The following MYO9A variants were observed in gnomAD, a reference collection of about 807,000 sequenced individuals.
The protein encoded by MYO9A is myosin IXA, also known as unconventional myosin-IXa.
A neutral mutation model predicts 293.3 loss-of-function variants in MYO9A; 103 were observed. The ratio of observed to expected loss-of-function variants is 0.35; its 90% CI spans 0.30 to 0.41. MYO9A has a LOEUF of 0.41. MYO9A is among the 10% of genes least tolerant of loss of function. MYO9A has a pLI of 1.00. For missense variants in MYO9A, 2,685 were observed against 3,033.0 expected (o/e 0.89, Z 2.69); for synonymous variants, 1,001 against 1,035.7 (o/e 0.97, Z 0.64).
At chr15:71,973,416 C>A (rs2076061931) in intron 12 of MYO9A, among the ~76,000 whole-genome samples, 1 of 152,112 alleles carries the variant, frequency 6.6e-6, no homozygotes, top group Admixed American at 6.5e-5. Flanking sequence ...ACATTAGGGG[C>A]AGTAGCTTTG....
At chr15:72,117,647 T>G in intron 1 of MYO9A, 33 bp downstream of exon 1, 1 of 395,606 alleles carries the variant, frequency 2.5e-6, no homozygotes, top group Non-Finnish European at 4.5e-6. Context: ...CAGGACGGGC[T>G]GCAGGGCCGC....
intron 1 of MYO9A, among the ~76,000 whole-genome samples, chr15:72,112,489 C>G (rs919309994): frequency 2.0e-5 from 3 of 152,196 alleles, no homozygotes; most frequent in African/African-American, 7.2e-5. Flanking sequence ...TTTGTTCTAT[C>G]ATATTATTTT....
At chr15:71,971,216 T>C (rs2076002286) in intron 12 of MYO9A, among the ~76,000 whole-genome samples, 1 of 151,682 alleles carries the variant, frequency 6.6e-6, no homozygotes, top group African/African-American at 2.4e-5. Flanking sequence ...GTTAAATCTA[T>C]GTGAAGTAGC....
chr15:71,930,312 G>C (rs1034601459), intron 18 of MYO9A, among the ~76,000 whole-genome samples: 1 of 152,066 alleles, frequency 6.6e-6, no homozygotes, highest in Admixed American at 6.5e-5. Context: ...AAATCCCCTA[G>C]GATTACTGTA....
At chr15:71,996,336 CAGTATTTATGGTTTA>C (rs1489305355) in intron 9 of MYO9A, among the ~76,000 whole-genome samples, 4 of 152,114 alleles carry the variant, frequency 2.6e-5, no homozygotes, top group Admixed American at 2.6e-4. Context: ...AGTCTAACTA[CAGTATTTATGGTTTA>C]CATAATGTAC....
chr15:72,042,512 A>G (rs1187554440), intron 2 of MYO9A, among the ~76,000 whole-genome samples: 2 of 152,162 alleles, frequency 1.3e-5, no homozygotes, highest in African/African-American at 2.4e-5. Context: ...GATCAAGCTC[A>G]ATGTGACAGA....
intron 3 of MYO9A, among the ~76,000 whole-genome samples, 179 bp from the exon 4 acceptor site, chr15:72,027,972 A>C (rs908112933): frequency 2.6e-5 from 4 of 151,098 alleles, no homozygotes; most frequent in African/African-American, 9.7e-5. Context: ...TCGAGATGAG[A>C]GGATCACCTG....
chr15:72,017,125 A>C (rs1596387480), intron 6 of MYO9A, among the ~76,000 whole-genome samples: 1 of 147,668 alleles, frequency 6.8e-6, no homozygotes, highest in East Asian at 2.0e-4. Context: ...GGCTCAAGCA[A>C]TCTGCCTGCC....
chr15:71,972,377 A>G (rs1462919667), intron 12 of MYO9A: 3 of 152,168 alleles, frequency 2.0e-5, no homozygotes, highest in Non-Finnish European at 4.4e-5. Context: ...TGTTTCCCCA[A>G]GTTCTGCAAG....
In MYO9A at chr15:72,007,641, T is replaced by C. The variant is rs3759819; in HGVS notation, c.1380+185A>G. ...CAAATTTTATAAAGATTCTGCCACA[T>C]CCAATAGCAAACTGAGGCAGGTATC... On this transcript the variant is annotated intron_variant, in intron 8 of 41. Transcript: ENST00000356056. Among the ~76,000 whole-genome samples, 5,803 of 152,212 alleles carry C rather than the reference T, an allele frequency of 0.038. 182 individuals carry two copies. The highest frequency in any genetic ancestry group is 0.09 in the African/African-American group (3,720 of 41,514).
In MYO9A at chr15:71,827,003, C is replaced by T; in HGVS notation, c.7224G>A (p.Lys2408=). The change falls in exon 42 of 42, where the codon AAG becomes AAA. Residue 2408 remains lysine (K), a synonymous_variant. Coordinates refer to ENST00000356056, the MANE Select transcript of MYO9A (RefSeq NM_006901.4). ...TTCGCAACTTGCTGGAAGGTTCAGA[C>T]TTGCCAGCTGTCTTCAGGGAGCTAA... ...LALSSLKTAG[K]SEPSSKLRKQ... is the part of the protein sequence containing the mutation. The T allele has an allele frequency of 6.2e-7, 1 of 1,608,864 alleles. No homozygotes were observed. The highest frequency in any genetic ancestry group is 8.5e-7 in the Non-Finnish European group (1 of 1,177,962).
chr15:71,843,352 C>T (rs751781138), intron 39 of MYO9A, among the ~76,000 whole-genome samples: 58 of 152,278 alleles, frequency 3.8e-4, no homozygotes, highest in Admixed American at 6.5e-4. Flanking sequence ...CTGCTGGAAC[C>T]GGGGAGGCGG....
chr15:71,854,548 G>T lies in MYO9A; in HGVS notation c.6175C>A (p.Arg2059=). 1.2e-6 allele frequency: 2 copies of T among 1,603,706 alleles called. No individual in the cohort carries two copies. Among genetic ancestry groups the T allele is most frequent in the South Asian group, 1.1e-5 (1 of 87,998 alleles). The stretch of plus-strand genomic sequence containing the variant: ...CGGGACAGTTCAACCCCAAATTGTC[G>T]AGATGACAGCTCTGGATCATACTAA... ...SKKYDPELSS[R]QFGVELSRLT... The change falls in exon 35 of 42, where the codon CGA becomes AGA. Residue 2059 remains arginine, a synonymous_variant. Transcript: ENST00000356056.
chr15:72,098,927 A>T (rs887861938), intron 1 of MYO9A, among the ~76,000 whole-genome samples: 5 of 151,978 alleles, frequency 3.3e-5, no homozygotes, highest in African/African-American at 1.2e-4. Flanking sequence ...AAAGGCCATC[A>T]AAGCCAGAAG....
chr15:72,086,253 C>T (rs34362323), intron 1 of MYO9A, among the ~76,000 whole-genome samples: 2,111 of 152,282 alleles, frequency 0.014, 22 homozygotes, highest in East Asian at 0.025. Flanking sequence ...CCACTGGCAA[C>T]TATGCATGTG....
chr15:72,052,410 C>T (rs2078593378), intron 1 of MYO9A, among the ~76,000 whole-genome samples: 1 of 152,202 alleles, frequency 6.6e-6, no homozygotes, highest in African/African-American at 2.4e-5. Context: ...TCCACTTGTC[C>T]GTGTACCTCG....
In MYO9A at chr15:72,087,027, A is replaced by G. The variant is rs537974043; in HGVS notation, c.-72+30653T>C. 4.6e-5 allele frequency among the ~76,000 whole-genome samples: 7 copies of G among 152,140 alleles called. No individual in the cohort carries two copies. In the South Asian group the frequency reaches 1.5e-3, roughly 32 times the overall value. ...GTGATCCACCTGCCTCGGCCTCCCA[A>G]AGTGTTGGGATTACAGGCATGAGCC... On this transcript the variant is annotated intron_variant, in intron 1 of 41. Transcript: ENST00000356056.
chr15:71,925,616 T>G (rs1332174903), intron 18 of MYO9A, among the ~76,000 whole-genome samples: 1 of 152,074 alleles, frequency 6.6e-6, no homozygotes, highest in East Asian at 1.9e-4. Flanking sequence ...GTATTTATAA[T>G]GGACTATTTT....
intron 1 of MYO9A, among the ~76,000 whole-genome samples, chr15:72,086,392 G>C (rs1263603689): frequency 2.1e-5 from 3 of 142,450 alleles, no homozygotes; most frequent in Admixed American, 7.2e-5. Context: ...TCTGTGCCTA[G>C]TTTCACTCCA....
Sources: gnomAD v4.1 joint callset for allele counts (sites outside exome capture counted in the v4.1 genomes callset) on GRCh38, gnomAD v4.1.1 for gene constraint, MANE v1.5 for transcripts, NCBI Gene and HGNC (gene_info 2026-07-23, HGNC 2026-07-21) for gene names.